Variants in KAZN observed in about 807,000 individuals in gnomAD.
The protein encoded by KAZN is kazrin.
A neutral mutation model predicts 87.4 loss-of-function variants in KAZN; 40 were observed. That is an observed-to-expected ratio of 0.46 (90% CI 0.36 to 0.60). KAZN has a LOEUF of 0.60. KAZN is among the 20% of genes least tolerant of loss of function. The pLI, the probability that KAZN is intolerant of heterozygous loss-of-function variation, is 0.00. For synonymous variants in KAZN, 466 were observed against 458.3 expected, an observed-to-expected ratio of 1.02 and a Z score of -0.22; for missense variants, 898 against 1,073.9, an observed-to-expected ratio of 0.84 and a Z score of 2.29.
intron 2 of KAZN, among the ~76,000 whole-genome samples, chr1:15,028,443 C>A (rs1671384751): frequency 1.3e-5 from 2 of 152,186 alleles, no homozygotes; most frequent in African/African-American, 2.4e-5. Context: ...AGGCTGGCAG[C>A]TCATCTTGCA....
intron 2 of KAZN, among the ~76,000 whole-genome samples, chr1:14,213,970 C>T (rs1211502132): frequency 1.3e-5 from 2 of 152,112 alleles, no homozygotes; most frequent in Non-Finnish European, 2.9e-5. Context: ...TGGCCACTTA[C>T]CAAGAGTGAA....
At chr1:14,085,250 G>A (rs557183935) in intron 1 of KAZN, among the ~76,000 whole-genome samples, 8 of 152,296 alleles carry the variant, frequency 5.3e-5, no homozygotes, top group South Asian at 2.1e-4. Flanking sequence ...CTTTTTGGAT[G>A]TAATTGCTTT....
At chr1:14,433,351 C>A (rs1433396318) in intron 2 of KAZN, among the ~76,000 whole-genome samples, 17 of 152,186 alleles carry the variant, frequency 1.1e-4, no homozygotes, top group Admixed American at 1.1e-3. Context: ...ATAGTGTGCA[C>A]TCTTCGGTGC....
chr1:14,904,738 G>A (rs1656318100), intron 1 of KAZN, among the ~76,000 whole-genome samples: 1 of 152,182 alleles, frequency 6.6e-6, no homozygotes, highest in South Asian at 2.1e-4. Flanking sequence ...GGCAGGAAAT[G>A]CACTTTGGTG....
chr1:14,418,793 A>G (rs1665065239), intron 2 of KAZN, among the ~76,000 whole-genome samples: 1 of 152,202 alleles, frequency 6.6e-6, no homozygotes, highest in Admixed American at 6.5e-5. Flanking sequence ...CAAAGTCATG[A>G]AATTCGCCTA....
At chr1:14,725,667 C>A (rs185990808) in intron 1 of KAZN, among the ~76,000 whole-genome samples, 114 of 152,236 alleles carry the variant, frequency 7.5e-4, no homozygotes, top group African/African-American at 2.7e-3. Flanking sequence ...GAGGTTGAGT[C>A]GGGACTCAAA....
chr1:15,076,072 C>T (rs1000348651), intron 8 of KAZN, among the ~76,000 whole-genome samples: 1 of 152,166 alleles, frequency 6.6e-6, no homozygotes, highest in East Asian at 1.9e-4. Flanking sequence ...CGGTGTGGAG[C>T]CTGTGGCCAG....
intron 1 of KAZN, among the ~76,000 whole-genome samples, chr1:14,694,008 C>T (rs1641465235): frequency 6.6e-6 from 1 of 152,188 alleles, no homozygotes; most frequent in African/African-American, 2.4e-5. Context: ...GGTTTTAGCA[C>T]CAAGCTAGAA....
intron 2 of KAZN, among the ~76,000 whole-genome samples, chr1:14,297,761 A>C (rs1180964007): frequency 6.6e-6 from 1 of 152,188 alleles, no homozygotes; most frequent in Non-Finnish European, 1.5e-5. Flanking sequence ...AATTTGCTTA[A>C]AGTTACATTA....
intron 1 of KAZN, among the ~76,000 whole-genome samples, chr1:13,930,597 C>A (rs1640473065): frequency 2.0e-5 from 3 of 152,104 alleles, no homozygotes; most frequent in Admixed American, 1.3e-4. Flanking sequence ...AGACACAGAC[C>A]CAGTCCTCAT....
chr1:14,002,088 T>G (rs889510994), intron 1 of KAZN, among the ~76,000 whole-genome samples: 1 of 152,168 alleles, frequency 6.6e-6, no homozygotes, highest in African/African-American at 2.4e-5. Context: ...GAAAAAATTT[T>G]TGCAATCTAC....
chr1:14,991,980 C>T (rs2101957533), intron 2 of KAZN, among the ~76,000 whole-genome samples: 1 of 152,296 alleles, frequency 6.6e-6, no homozygotes, highest in African/African-American at 2.4e-5. Context: ...GTGGGGTTGT[C>T]ACCATCACTG....
intron 2 of KAZN, among the ~76,000 whole-genome samples, chr1:14,459,947 G>T (rs992764577): frequency 1.2e-4 from 19 of 152,080 alleles, no homozygotes; most frequent in Non-Finnish European, 2.1e-4. Context: ...AAAGCCCCCT[G>T]AGTAATAAAT....
intron 2 of KAZN, among the ~76,000 whole-genome samples, chr1:14,402,625 A>G (rs1663509159): frequency 6.6e-6 from 1 of 152,232 alleles, no homozygotes; most frequent in Non-Finnish European, 1.5e-5. Context: ...AAATGAAACT[A>G]GACAAACTGA....
intron 2 of KAZN, among the ~76,000 whole-genome samples, chr1:14,272,143 A>C (rs1651988466): frequency 6.6e-6 from 1 of 152,214 alleles, no homozygotes; most frequent in Non-Finnish European, 1.5e-5. Flanking sequence ...AGTGCTGTGT[A>C]ACAAATTACC....
At chr1:14,067,125 C>T (rs1643039453) in intron 1 of KAZN, among the ~76,000 whole-genome samples, 1 of 152,088 alleles carries the variant, frequency 6.6e-6, no homozygotes, top group Non-Finnish European at 1.5e-5. Flanking sequence ...CCTGACTCCT[C>T]TCTCCTCCTC....
chr1:14,621,439 C>G (rs1678689821), intron 1 of KAZN, among the ~76,000 whole-genome samples: 1 of 152,222 alleles, frequency 6.6e-6, no homozygotes, highest in Non-Finnish European at 1.5e-5. Context: ...CTCTATTCTG[C>G]TAGACTCTGG....
At chr1:14,833,803 G>A (rs965399838) in intron 1 of KAZN, among the ~76,000 whole-genome samples, 1 of 152,056 alleles carries the variant, frequency 6.6e-6, no homozygotes, top group Non-Finnish European at 1.5e-5. Flanking sequence ...CCGCTCCAAG[G>A]CTCTGATGAC....
chr1:14,905,310 G>A (rs1241029227), intron 1 of KAZN, among the ~76,000 whole-genome samples: 1 of 152,114 alleles, frequency 6.6e-6, no homozygotes. Context: ...CTATCTGCCT[G>A]CTTCTGCTGC....
Sources: gnomAD v4.1 joint callset for allele counts (sites outside exome capture counted in the v4.1 genomes callset) on GRCh38, gnomAD v4.1.1 for gene constraint, MANE v1.5 for transcripts, NCBI Gene and HGNC (gene_info 2026-07-23, HGNC 2026-07-21) for gene names.